The following A4GALT variants were observed in gnomAD, a reference collection of about 807,000 sequenced individuals.
A4GALT encodes alpha 1,4-galactosyltransferase (P1PK blood group).
For synonymous variants in A4GALT, 257 were observed against 220.7 expected (o/e 1.16, Z -1.46); for missense variants, 512 against 486.0 (o/e 1.05, Z -0.50).
intron 1 of A4GALT, among the ~76,000 whole-genome samples, chr22:42,707,919 G>C (rs1183092510): frequency 6.8e-6 from 1 of 146,640 alleles, no homozygotes; most frequent in Non-Finnish European, 1.5e-5. Flanking sequence ...AGGATCGTTT[G>C]AGACCAGCCT....
chr22:42,711,548 A>G (rs370739089), intron 1 of A4GALT, among the ~76,000 whole-genome samples: 1 of 152,234 alleles, frequency 6.6e-6, no homozygotes, highest in Non-Finnish European at 1.5e-5. Flanking sequence ...GCAGAGACCA[A>G]TGCTGTTTTT....
intron 1 of A4GALT, among the ~76,000 whole-genome samples, chr22:42,697,930 T>G (rs1459479321): frequency 6.6e-6 from 1 of 152,272 alleles, no homozygotes; most frequent in East Asian, 1.9e-4. Flanking sequence ...ATGACTCATC[T>G]TAGGCAGGAA....
rs201907285 is a variant in A4GALT, at chr22:42,704,502, AT to A, written c.-187-8872del. Among the ~76,000 whole-genome samples, 1,042 of 151,138 alleles carry A rather than the reference AT, an allele frequency of 6.9e-3. 14 individuals are homozygous for A. The highest frequency in any genetic ancestry group is 0.024 in the African/African-American group (976 of 41,188). ...ACTCTGGACTCAAAAAATAAAAAAA[AT>A]AATAAAAAAAATTAAAAAAAAAAGA... On this transcript the variant is annotated intron_variant, in intron 1 of 2. Transcript: ENST00000642412.
intron 1 of A4GALT, among the ~76,000 whole-genome samples, chr22:42,715,427 A>T (rs942149925): frequency 6.6e-6 from 1 of 152,136 alleles, no homozygotes; most frequent in African/African-American, 2.4e-5. Context: ...GGGTCAAAGG[A>T]AATGTAATTC....
In A4GALT at chr22:42,714,274, C is replaced by CAAAAAAAAA. The variant is rs1163088658; in HGVS notation, c.-188+6514_-188+6522dup. 1.5e-3 allele frequency among the ~76,000 whole-genome samples: 25 copies of CAAAAAAAAA among 16,162 alleles called. 7 individuals are homozygous for CAAAAAAAAA. The highest frequency in any genetic ancestry group is 0.011 in the South Asian group (2 of 182). The allele number at this position is 16,162 out of a possible 152,430, so 10.6% of individuals were successfully genotyped here. On this transcript the variant is annotated intron_variant, in intron 1 of 2. Transcript: ENST00000642412. ...TGGGCAACAGAGCAAGACTCTGTCT[C>CAAAAAAAAA]AAAAAAAAAAAAAAAAAAAAAAAAA...
chr22:42,699,203 C>T (rs1157709849), intron 1 of A4GALT, among the ~76,000 whole-genome samples: 1 of 152,060 alleles, frequency 6.6e-6, no homozygotes, highest in African/African-American at 2.4e-5. Flanking sequence ...CCTGCCTCAG[C>T]CTCCTGAGTA....
At position 42,693,310 on chromosome 22, in the gene A4GALT, G is replaced by A. The variant is rs1399832048; in HGVS notation, c.642C>T (p.Tyr214=). 2 of 1,613,094 alleles carry A rather than the reference G, an allele frequency of 1.2e-6. No individual in the cohort carries two copies. Among genetic ancestry groups the A allele is most frequent in the Non-Finnish European group, 1.7e-6 (2 of 1,179,986 alleles). The change falls in exon 3 of 3, where the codon TAC becomes TAT. Residue 214 remains tyrosine, a synonymous_variant. Transcript: ENST00000642412. ...AGGCCAGGAACGCGCCGTTGAGGAC[G>A]TAGCGGGACTGGGTGCCCAGCACGT... is the stretch of plus-strand genomic sequence containing the variant. ...LTNVLGTQSR[Y]VLNGAFLAFE... is the part of the protein sequence containing the mutation.
rs1332574569 is a variant in A4GALT, at chr22:42,693,111, G to C, written c.841C>G (p.Pro281Ala). ...CAGGGGATGGGGTAGAAGGCCTCAG[G>C]GGGCAGGGTGGTGACGCCGCGGCAG... The part of the protein sequence containing the change: ...RACRGVTTLP[P>A]EAFYPIPWQD... Residue 281 changes from proline to alanine, a missense_variant, in exon 3 of 3, where the codon CCT becomes GCT. By Grantham distance (27) the Pro-to-Ala change is conservative (BLOSUM62 -1). Transcript: ENST00000642412. 3 of 1,611,706 alleles carry C rather than the reference G, an allele frequency of 1.9e-6. No homozygotes were observed. The highest frequency in any genetic ancestry group is 1.7e-6 in the Non-Finnish European group (2 of 1,179,256).
chr22:42,713,746 C>T (rs895961090), intron 1 of A4GALT, among the ~76,000 whole-genome samples: 1 of 144,642 alleles, frequency 6.9e-6, no homozygotes, highest in Non-Finnish European at 1.5e-5. Context: ...CAGGAGGTGG[C>T]GGTTGCAGTG....
In A4GALT at chr22:42,706,941, C is replaced by T. The variant is rs539412907; in HGVS notation, c.-187-11310G>A. ...AAAGAAGGGCAATTTATTATGCTAA[C>T]GGTATAATTCATAATGCATCAAATA... On this transcript the variant is annotated intron_variant, in intron 1 of 2. Transcript: ENST00000642412. 3.3e-5 allele frequency among the ~76,000 whole-genome samples: 5 copies of T among 152,156 alleles called. No homozygotes were observed. The East Asian group carries it at 5.8e-4, about 18-fold the overall frequency.
chr22:42,703,143 T>TGTGTGTGTGTGTGTGTGTG (rs1555887019), intron 1 of A4GALT, among the ~76,000 whole-genome samples: 7 of 148,188 alleles, frequency 4.7e-5, no homozygotes, highest in African/African-American at 1.8e-4. Context: ...TGTGTGTGTG[T>TGTGTGTGTGTGTGTGTGTG]TGTCCCCACC....
chr22:42,700,646 C>T (rs552477266), intron 1 of A4GALT, among the ~76,000 whole-genome samples: 280 of 152,298 alleles, frequency 1.8e-3, no homozygotes, highest in African/African-American at 6.4e-3. Flanking sequence ...CAGGGTCACA[C>T]GGGTGCTCCC....
Position 42,692,714 on chromosome 22 carries a change from T to C in A4GALT, c.*176A>G. 1.3e-6 allele frequency: 1 copy of C among 776,892 alleles called. No individual in the cohort carries two copies. Among genetic ancestry groups the C allele is most frequent in the Non-Finnish European group, 2.2e-6 (1 of 454,536 alleles). The allele number at this position is 776,892 out of a possible 1,614,324, so 48.1% of individuals were successfully genotyped here. A position where few individuals can be genotyped will look rare whatever the true frequency, so the allele number is the denominator to read the frequency against. ...TCAGCCCTGCCTCGAGACAGGACACTGTCCTCGGGGTGTCCACAGCCTCCC... is the reference window on the plus strand; with the variant it reads ...TCAGCCCTGCCTCGAGACAGGACACCGTCCTCGGGGTGTCCACAGCCTCCC... On this transcript the variant is annotated 3_prime_UTR_variant, in exon 3 of 3. Coordinates refer to ENST00000642412, the MANE Select transcript of A4GALT (RefSeq NM_017436.7). This position sits in a 1 kb window ranked among gnomAD's most constrained non-coding sequence, Gnocchi z 4.6.
chr22:42,703,575 A>G (rs774081227), intron 1 of A4GALT, among the ~76,000 whole-genome samples: 17 of 152,026 alleles, frequency 1.1e-4, no homozygotes, highest in Non-Finnish European at 1.9e-4. Context: ...GTGTTTTGCA[A>G]ACTCTGAAAG....
In A4GALT at chr22:42,709,067, A is replaced by ATATATATTTTTTTTT. The variant is rs1180529043; in HGVS notation, c.-188+11729_-188+11730insAAAAAAAAATATATA. On this transcript the variant is annotated intron_variant, in intron 1 of 2. Coordinates refer to ENST00000642412, the MANE Select transcript of A4GALT (RefSeq NM_017436.7). ...AATTTAAATATATATATATATATAT[A>ATATATATTTTTTTTT]TTTTTTTTAAGACAGGGTCTGCTGT... 5.1e-3 allele frequency among the ~76,000 whole-genome samples: 654 copies of ATATATATTTTTTTTT among 128,712 alleles called. 2 individuals are homozygous for ATATATATTTTTTTTT. The highest frequency in any genetic ancestry group is 0.013 in the Middle Eastern group (3 of 236). 84.4% of individuals were successfully genotyped at this position (128,712 alleles called of 152,430 possible).
Position 42,693,938 on chromosome 22 carries a change from G to A in A4GALT, c.14C>T (p.Pro5Leu), listed in dbSNP as rs1291430666. Reference protein sequence around the residue: MSKPPDLLLRLLRGA... With the variant: MSKPLDLLLRLLRGA... The stretch of plus-strand genomic sequence containing the variant: ...CCGGAGCAGCCGCAGCAGGAGGTCG[G>A]GGGGCTTGGACATGGTATCCCCAGA... Residue 5 changes from proline (P) to leucine (L), a missense_variant, in exon 3 of 3, where the codon CCC becomes CTC. Pro to Leu is a moderately conservative substitution (Grantham distance 98, BLOSUM62 -3). Transcript: ENST00000642412. 1.9e-6 allele frequency: 3 copies of A among 1,588,790 alleles called. No homozygotes were observed. The highest frequency in any genetic ancestry group is 2.7e-5 in the African/African-American group (2 of 74,548).
In A4GALT at chr22:42,693,679, G is replaced by T. The variant is rs1930679138; in HGVS notation, c.273C>A (p.Asn91Lys). The change falls in exon 3 of 3, where the codon AAC (asparagine) becomes AAA (lysine). Residue 91 changes from asparagine (N) to lysine (K), a missense_variant. By Grantham distance (94) the Asn-to-Lys change is moderately conservative (BLOSUM62 0). Coordinates refer to ENST00000642412, the MANE Select transcript of A4GALT (RefSeq NM_017436.7). The stretch of plus-strand genomic sequence containing the variant: ...ACTCCACCGAGCACATGAACAGGAA[G>T]TTGGGGTTGGTCCGGTCTGAAGTCT... ...FLETSDRTNPNFLFMCSVESA... is the reference protein window; with the variant it reads ...FLETSDRTNPKFLFMCSVESA... 6.3e-7 allele frequency: 1 copy of T among 1,580,004 alleles called. No individual in the cohort carries two copies. Among genetic ancestry groups the T allele is most frequent in the African/African-American group, 1.4e-5 (1 of 72,610 alleles).
rs563081467 is a variant in A4GALT, at chr22:42,712,037, G to A, written c.-188+8760C>T. The stretch of plus-strand genomic sequence containing the variant: ...GCCCTTTGCAAACTATAAACTCTAC[G>A]CAGATGCAAATTACAGCTGCCTCAT... On this transcript the variant is annotated intron_variant, in intron 1 of 2. Transcript: ENST00000642412. 2.5e-4 allele frequency among the ~76,000 whole-genome samples: 38 copies of A among 152,270 alleles called. 2 individuals carry two copies. In the South Asian group the frequency reaches 7.7e-3, roughly 31 times the overall value.
intron 1 of A4GALT, among the ~76,000 whole-genome samples, chr22:42,701,042 T>C (rs1259051963): frequency 6.6e-6 from 1 of 152,192 alleles, no homozygotes; most frequent in East Asian, 1.9e-4. Context: ...ATGGTCATAC[T>C]TGCCTCTAGT....
Sources: allele counts gnomAD v4.1 joint callset (sites outside exome capture counted in the v4.1 genomes callset), GRCh38; gene constraint gnomAD v4.1.1; non-coding constraint Gnocchi (gnomAD v3.1); transcripts MANE v1.5; gene names NCBI Gene and HGNC (gene_info 2026-07-23, HGNC 2026-07-21).